The following ARHGAP12 variants were observed in gnomAD, a reference collection of about 807,000 sequenced individuals.
ARHGAP12 encodes the protein Rho GTPase activating protein 12.
In ARHGAP12, 64 loss-of-function variants were observed where a neutral mutation model predicts 108.6. The observed-to-expected ratio is 0.59, with a 90% CI of 0.48 to 0.73. The LOEUF (loss-of-function observed/expected upper bound fraction) is 0.73. Among genes scored for constraint, ARHGAP12 ranks in the 30% least tolerant of loss-of-function variants. The pLI is 0.00. For synonymous variants in ARHGAP12, 312 were observed against 337.2 expected, an observed-to-expected ratio of 0.93 and a Z score of 0.82; for missense variants, 940 against 1,005.9, an observed-to-expected ratio of 0.93 and a Z score of 0.89.
At chr10:31,814,136 T>G (rs1835115553) in intron 14 of ARHGAP12, 123 bp downstream of exon 14, 1 of 760,288 alleles carries the variant, frequency 1.3e-6, no homozygotes, top group Non-Finnish European at 2.2e-6. Context: ...TGCACTTGGT[T>G]AACTGCACAG....
At chr10:31,874,601 C>A (rs1037487740) in intron 3 of ARHGAP12, among the ~76,000 whole-genome samples, 7 of 152,052 alleles carry the variant, frequency 4.6e-5, no homozygotes, top group African/African-American at 1.7e-4. Context: ...GCAAGAAATA[C>A]CTAAGCCCTG....
chr10:31,832,579 T>C (rs552655389), intron 9 of ARHGAP12, among the ~76,000 whole-genome samples: 2 of 152,348 alleles, frequency 1.3e-5, no homozygotes, highest in African/African-American at 2.4e-5. Context: ...GCTGAGTCCA[T>C]AGTAATCATT....
At chr10:31,863,894 T>C (rs1017856145) in intron 3 of ARHGAP12, among the ~76,000 whole-genome samples, 1 of 152,128 alleles carries the variant, frequency 6.6e-6, no homozygotes, top group Non-Finnish European at 1.5e-5. Context: ...TTAAAAATTA[T>C]TAGTATTTAA....
At chr10:31,918,315 TCACACACACACACACACACA>T (rs58245483) in intron 1 of ARHGAP12, among the ~76,000 whole-genome samples, 42 of 140,060 alleles carry the variant, frequency 3.0e-4, no homozygotes, top group Admixed American at 5.8e-4. Flanking sequence ...ATTAGGGAAA[TCACACACACACACACACACA>T]CACACACACA....
intron 16 of ARHGAP12, 101 bp downstream of exon 16, chr10:31,810,548 T>C: frequency 1.3e-6 from 1 of 766,464 alleles, no homozygotes; most frequent in South Asian, 1.9e-5. Flanking sequence ...GGAACTTCTG[T>C]TTGCATCACT....
intron 12 of ARHGAP12, among the ~76,000 whole-genome samples, chr10:31,819,890 C>T (rs1430182032): frequency 6.6e-6 from 1 of 150,662 alleles, no homozygotes; most frequent in Non-Finnish European, 1.5e-5. Flanking sequence ...TCTTATGCAG[C>T]AATAAGTAAC....
At chr10:31,816,904 A>G (rs952340387) in intron 13 of ARHGAP12, among the ~76,000 whole-genome samples, 3 of 152,260 alleles carry the variant, frequency 2.0e-5, no homozygotes, top group African/African-American at 7.2e-5. Context: ...GAATTTATAT[A>G]TAGCTTCATA....
In ARHGAP12 at chr10:31,807,797, T is replaced by A; in HGVS notation, c.2402A>T (p.Tyr801Phe). The change falls in exon 20 of 20, where the codon TAT becomes TTT. Residue 801 changes from tyrosine to phenylalanine, a missense_variant. Tyr to Phe is a conservative substitution (Grantham distance 22). Transcript: ENST00000344936. Reference protein sequence around the residue: ...IENGEKNRMTYQSIAIVFGPT... With the variant: ...IENGEKNRMTFQSIAIVFGPT... Reference sequence around the variant, plus strand: ...ACCAAAAACAATTGCTATACTCTGATAGGTCATTCGATTTTTCTCTCCATT... The same window carrying A: ...ACCAAAAACAATTGCTATACTCTGAAAGGTCATTCGATTTTTCTCTCCATT... 1 of 1,555,464 alleles carries A rather than the reference T, an allele frequency of 6.4e-7. No individual in the cohort carries two copies. Among genetic ancestry groups the A allele is most frequent in the Non-Finnish European group, 8.7e-7 (1 of 1,154,728 alleles).
intron 3 of ARHGAP12, among the ~76,000 whole-genome samples, chr10:31,884,094 T>TA (rs59701767): frequency 0.016 from 1,846 of 114,430 alleles, 24 homozygotes; most frequent in South Asian, 0.022. Flanking sequence ...TGTTTACACC[T>TA]AAAAAAAAAA....
chr10:31,850,372 C>T (rs925565070), intron 6 of ARHGAP12, among the ~76,000 whole-genome samples: 1 of 152,128 alleles, frequency 6.6e-6, no homozygotes, highest in Non-Finnish European at 1.5e-5. Context: ...AACAGCCTAA[C>T]AGAACCAATC....
At chr10:31,812,654 A>G in intron 15 of ARHGAP12, 53 bp downstream of exon 15, 1 of 1,124,470 alleles carries the variant, frequency 8.9e-7, no homozygotes, top group Non-Finnish European at 1.3e-6. Context: ...GAAACATTTT[A>G]TTTATGACGT....
intron 5 of ARHGAP12, among the ~76,000 whole-genome samples, chr10:31,853,342 A>C (rs1564390829): frequency 6.6e-6 from 1 of 152,248 alleles, no homozygotes; most frequent in Non-Finnish European, 1.5e-5. Flanking sequence ...CCTATGGCCA[A>C]ACACAATAAA....
chr10:31,923,132 GA>G (rs58930834), intron 1 of ARHGAP12, among the ~76,000 whole-genome samples: 159 of 83,204 alleles, frequency 1.9e-3, no homozygotes, highest in Middle Eastern at 7.8e-3. Flanking sequence ...ACCCTAACAG[GA>G]AAAAAAAAAA....
At chr10:31,843,788 T>TAC (rs1443963538) in intron 6 of ARHGAP12, among the ~76,000 whole-genome samples, 2 of 152,220 alleles carry the variant, frequency 1.3e-5, no homozygotes, top group African/African-American at 4.8e-5. Context: ...ACTCTGGTGT[T>TAC]ACACAGACCA....
At chr10:31,885,979 T>C (rs184356099) in intron 3 of ARHGAP12, among the ~76,000 whole-genome samples, 2 of 152,346 alleles carry the variant, frequency 1.3e-5, no homozygotes, top group Admixed American at 6.5e-5. Context: ...ACCTCTTTAA[T>C]GTACACCAAC....
At chr10:31,888,819 AAGAG>A (rs1204339883) in intron 3 of ARHGAP12, among the ~76,000 whole-genome samples, 4 of 152,228 alleles carry the variant, frequency 2.6e-5, no homozygotes, top group Admixed American at 2.0e-4. Context: ...GGTTAAGAAA[AAGAG>A]AGATTAATTT....
rs762862812 is a variant in ARHGAP12, at chr10:31,876,508, C to CA, written c.685-14851dup. Among the ~76,000 whole-genome samples the CA allele has an allele frequency of 4.1e-3, 476 of 115,164 alleles. 4 individuals carry two copies. Among genetic ancestry groups the CA allele is most frequent in the Non-Finnish European group, 5.6e-3 (315 of 56,642 alleles). 75.6% of individuals were successfully genotyped at this position (115,164 alleles called of 152,430 possible). A position where few individuals can be genotyped will look rare whatever the true frequency, so the allele number is the denominator to read the frequency against. On this transcript the variant is annotated intron_variant, in intron 3 of 19. Transcript: ENST00000344936. ...CTGACAACAGAGCAAGACTCCATCT[C>CA]AAAAAAAACAAAAACAAAAACAAAA...
At chr10:31,924,057 T>A (rs1157284866) in intron 1 of ARHGAP12, among the ~76,000 whole-genome samples, 1 of 152,210 alleles carries the variant, frequency 6.6e-6, no homozygotes, top group African/African-American at 2.4e-5. Context: ...ACAGAATGTT[T>A]TGTATGGTAA....
At chr10:31,843,166 C>A (rs1392214889) in intron 7 of ARHGAP12, among the ~76,000 whole-genome samples, 2 of 152,086 alleles carry the variant, frequency 1.3e-5, no homozygotes, top group Non-Finnish European at 2.9e-5. Context: ...CAGTAAGCTA[C>A]AGATAAGTCA....
Sources: allele counts gnomAD v4.1 joint callset (sites outside exome capture counted in the v4.1 genomes callset), GRCh38; gene constraint gnomAD v4.1.1; transcripts MANE v1.5; gene names NCBI Gene and HGNC (gene_info 2026-07-23, HGNC 2026-07-21).